Variants in DMD observed in about 807,000 individuals in gnomAD.
DMD encodes mutant dystrophin.
Under a neutral mutation model 330.1 loss-of-function variants are expected in DMD, and 63 were observed. That is an observed-to-expected ratio of 0.19 (90% CI 0.16 to 0.24). The LOEUF is 0.24. Ranked by LOEUF, DMD falls within the 10% of genes least tolerant of loss-of-function variation. The probability of loss-of-function intolerance (pLI) is 1.00; values close to 1 mark genes in which losing one functional copy is unlikely to be tolerated. For synonymous variants in DMD, 1,223 were observed against 959.8 expected, an observed-to-expected ratio of 1.27 and a Z score of -5.07; for missense variants, 3,344 against 2,684.1, an observed-to-expected ratio of 1.25 and a Z score of -5.43.
At chrX:33,052,929 A>G (rs922988964) in intron 1 of DMD, among the ~76,000 whole-genome samples, 1 of 111,746 alleles carries the variant, frequency 8.9e-6, no homozygotes, top group African/African-American at 3.2e-5. Context: ...TGTGCTTCCA[A>G]ATTATATGCA....
chrX:32,284,889 C>A (rs1278500631), intron 43 of DMD, among the ~76,000 whole-genome samples: 1 of 111,767 alleles, frequency 8.9e-6, no homozygotes, highest in Non-Finnish European at 1.9e-5. Flanking sequence ...CAGGGTGGAT[C>A]TATTGGGGCT....
intron 67 of DMD, among the ~76,000 whole-genome samples, chrX:31,188,043 G>A (rs2041982588): frequency 8.9e-6 from 1 of 112,002 alleles, no homozygotes; most frequent in African/African-American, 3.2e-5. Flanking sequence ...AAAAACTATA[G>A]ATTCTTCTAT....
At chrX:32,600,281 A>G (rs1352412726) in intron 12 of DMD, among the ~76,000 whole-genome samples, 1 of 111,786 alleles carries the variant, frequency 8.9e-6, no homozygotes, top group Non-Finnish European at 1.9e-5. Flanking sequence ...TTAGGAAATA[A>G]AGACATGGAA....
chrX:33,259,603 C>T (rs1214337309), intron 1 of DMD, among the ~76,000 whole-genome samples: 2 of 63,764 alleles, frequency 3.1e-5, no homozygotes, highest in South Asian at 1.3e-3. Context: ...AATCGCCCCC[C>T]CCCCCCAAAA....
chrX:32,605,929 G>C (rs1358212500), intron 12 of DMD, among the ~76,000 whole-genome samples: 3 of 109,783 alleles, frequency 2.7e-5, no homozygotes, highest in Non-Finnish European at 5.8e-5. Context: ...AGGTGTATTT[G>C]TGGGGTACAT....
chrX:31,180,973 C>T (rs1347359020), intron 68 of DMD, among the ~76,000 whole-genome samples: 2 of 111,847 alleles, frequency 1.8e-5, no homozygotes, highest in Non-Finnish European at 3.8e-5. Context: ...AAACAAGTCT[C>T]GCTTTAATAA....
intron 21 of DMD, among the ~76,000 whole-genome samples, chrX:32,479,687 C>CTA (rs767131281): frequency 4.6e-5 from 5 of 108,736 alleles, no homozygotes; most frequent in East Asian, 5.7e-4. Context: ...ATATTTATCA[C>CTA]TATATATATA....
At chrX:32,808,561 A>C (rs2077119219) in intron 7 of DMD, among the ~76,000 whole-genome samples, 1 of 109,780 alleles carries the variant, frequency 9.1e-6, no homozygotes, top group Non-Finnish European at 1.9e-5. Flanking sequence ...TCACTGGCAA[A>C]AGGCTGTCTT....
intron 1 of DMD, among the ~76,000 whole-genome samples, chrX:33,028,380 T>C (rs1353038680): frequency 7.1e-5 from 8 of 111,917 alleles, no homozygotes; most frequent in Non-Finnish European, 1.5e-4. Flanking sequence ...ACTTGAAAAA[T>C]CCAGAGCTTC....
chrX:31,466,105 C>A (rs113980507), intron 59 of DMD, among the ~76,000 whole-genome samples: 10,470 of 111,631 alleles, frequency 0.094, 364 homozygotes, highest in East Asian at 0.2. Flanking sequence ...AGATGGCAAA[C>A]ATTTTCTCCC....
chrX:31,783,468 C>T (rs979041116), intron 50 of DMD, among the ~76,000 whole-genome samples: 4 of 111,199 alleles, frequency 3.6e-5, no homozygotes, highest in African/African-American at 1.3e-4. Flanking sequence ...GTGTCAGGCC[C>T]TCACAAGCCT....
chrX:31,174,716 A>G (rs2040338685), intron 71 of DMD, among the ~76,000 whole-genome samples: 1 of 111,750 alleles, frequency 8.9e-6, no homozygotes, highest in Non-Finnish European at 1.9e-5. Context: ...GTTTCTTCTT[A>G]CATTAAAAAA....
Position 31,358,377 on chromosome X carries a change from G to A in DMD, c.9085-9743C>T, listed in dbSNP as rs1042610530. 5.4e-5 allele frequency among the ~76,000 whole-genome samples: 6 copies of A among 111,268 alleles called. No homozygotes were observed. The East Asian group carries it at 1.7e-3, about 32-fold the overall frequency. On this transcript the variant is annotated intron_variant, in intron 60 of 78. Coordinates refer to ENST00000357033, the MANE Select transcript of DMD (RefSeq NM_004006.3). ...TACACTTCCCTGGGCGATAATCTGA[G>A]GTACTTTATAAGCTTCTTTCTTTCA...
In DMD at chrX:32,849,796, G is replaced by C. The variant is rs1001154410; in HGVS notation, c.118C>G (p.Leu40Val). 8.3e-6 allele frequency: 10 copies of C among 1,203,927 alleles called. No homozygotes were observed. The highest frequency in any genetic ancestry group is 1.0e-5 in the Non-Finnish European group (9 of 891,185). ...SKFGKQHIEN[L>V]FSDLQDGRRL... ...CTCCCATCCTGTAGGTCACTGAAGA[G>C]GTTCTCAATATGCTGCTTCCCAAAC... Residue 40 changes from leucine (L) to valine (V), a missense_variant, in exon 3 of 79, where the codon CTC becomes GTC. By Grantham distance (32) the Leu-to-Val change is conservative. Transcript: ENST00000357033.
chrX:33,062,519 C>T (rs1218702402), intron 1 of DMD, among the ~76,000 whole-genome samples: 1 of 112,038 alleles, frequency 8.9e-6, no homozygotes, highest in African/African-American at 3.2e-5. Flanking sequence ...TTCTGTTGCC[C>T]AGGCTGGAGT....
chrX:33,184,150 G>A (rs983708849), intron 1 of DMD, among the ~76,000 whole-genome samples: 3 of 111,957 alleles, frequency 2.7e-5, no homozygotes, highest in Non-Finnish European at 5.6e-5. Context: ...TTCCCTATGT[G>A]CTAGCATAAT....
At chrX:33,171,508 T>C (rs1206341452) in intron 1 of DMD, among the ~76,000 whole-genome samples, 7 of 111,433 alleles carry the variant, frequency 6.3e-5, no homozygotes, top group African/African-American at 2.3e-4. Flanking sequence ...CCACCTTTGG[T>C]TGCAGTCTAT....
intron 61 of DMD, among the ~76,000 whole-genome samples, chrX:31,334,235 G>A (rs920473235): frequency 5.3e-5 from 6 of 112,252 alleles, no homozygotes; most frequent in African/African-American, 1.3e-4. Flanking sequence ...CGCCCGGCCC[G>A]AGATATTCAT....
chrX:31,686,276 T>A (rs1196337708), intron 52 of DMD, among the ~76,000 whole-genome samples: 2 of 112,545 alleles, frequency 1.8e-5, no homozygotes, highest in African/African-American at 3.2e-5. Flanking sequence ...ATTTCCATTA[T>A]CCCCACTTTC....
Sources: allele counts gnomAD v4.1 joint callset (sites outside exome capture counted in the v4.1 genomes callset), GRCh38; gene constraint gnomAD v4.1.1; transcripts MANE v1.5; gene names NCBI Gene and HGNC (gene_info 2026-07-23, HGNC 2026-07-21).